PANK1: variants seen among roughly 807,000 people sequenced by gnomAD.
The protein encoded by PANK1 is pantothenic acid kinase 1.
A neutral mutation model predicts 40.1 loss-of-function variants in PANK1; 18 were observed. The observed-to-expected ratio is 0.45, with a 90% CI of 0.31 to 0.67. The LOEUF is 0.67. PANK1 is among the 30% of genes least tolerant of loss of function. PANK1 has a pLI of 0.06. For missense variants in PANK1, 457 were observed against 599.6 expected, an observed-to-expected ratio of 0.76 and a Z score of 2.48; for synonymous variants, 242 against 237.7, an observed-to-expected ratio of 1.02 and a Z score of -0.17.
chr10:89,615,054 G>A (rs1397647249), intron 1 of PANK1, among the ~76,000 whole-genome samples: 1 of 152,174 alleles, frequency 6.6e-6, no homozygotes, highest in South Asian at 2.1e-4. Flanking sequence ...AATATTTACA[G>A]GAGTGGCAGA....
chr10:89,638,534 T>C (rs1362612579), intron 1 of PANK1, among the ~76,000 whole-genome samples: 1 of 152,254 alleles, frequency 6.6e-6, no homozygotes, highest in Non-Finnish European at 1.5e-5. Flanking sequence ...CCCTAAATTC[T>C]GTTTCCTTTT....
At chr10:89,644,120 T>A (rs570392669) in intron 1 of PANK1, among the ~76,000 whole-genome samples, 41 of 152,214 alleles carry the variant, frequency 2.7e-4, no homozygotes, top group African/African-American at 9.9e-4. Context: ...CGCTCTCCAA[T>A]AGACCCGAGA....
chr10:89,638,426 C>A (rs546407325), intron 1 of PANK1, among the ~76,000 whole-genome samples: 20 of 152,322 alleles, frequency 1.3e-4, no homozygotes, highest in Admixed American at 1.2e-3. Flanking sequence ...CCCTACTGAT[C>A]TCCTTATCAA....
chr10:89,623,653 T>TAGCA (rs1376301641), intron 1 of PANK1, among the ~76,000 whole-genome samples: 1 of 149,992 alleles, frequency 6.7e-6, no homozygotes, highest in Non-Finnish European at 1.5e-5. Flanking sequence ...AGTGAACAGA[T>TAGCA]AGCAGGTCTG....
intron 1 of PANK1, chr10:89,626,229 A>G (rs918624383): frequency 1.3e-5 from 2 of 152,156 alleles, no homozygotes; most frequent in African/African-American, 4.8e-5. Flanking sequence ...TCTCACCAAG[A>G]AGCTGTCAGT....
chr10:89,644,411 C>A (rs1307832931), intron 1 of PANK1, among the ~76,000 whole-genome samples, 189 bp downstream of exon 1: 1 of 152,250 alleles, frequency 6.6e-6, no homozygotes, highest in Non-Finnish European at 1.5e-5. Flanking sequence ...CAGGCTCAGG[C>A]AAAGACCTGT....
intron 1 of PANK1, among the ~76,000 whole-genome samples, chr10:89,636,898 G>A (rs12251436): frequency 0.022 from 3,352 of 150,006 alleles, 133 homozygotes; most frequent in African/African-American, 0.078. Flanking sequence ...GTCTCTCCCT[G>A]TCGCCCAGGC....
chr10:89,618,239 C>G (rs1307875854), intron 1 of PANK1, among the ~76,000 whole-genome samples: 1 of 152,148 alleles, frequency 6.6e-6, no homozygotes, highest in Non-Finnish European at 1.5e-5. Flanking sequence ...CTGGGTATCT[C>G]CCATTCACCC....
intron 1 of PANK1, among the ~76,000 whole-genome samples, chr10:89,636,110 G>A (rs1048796371): frequency 4.6e-5 from 7 of 152,004 alleles, no homozygotes; most frequent in African/African-American, 1.7e-4. Flanking sequence ...AGAGTTCTGG[G>A]GTGTTGGTGT....
intron 1 of PANK1, among the ~76,000 whole-genome samples, chr10:89,619,939 A>G (rs1234271426): frequency 6.6e-6 from 1 of 152,214 alleles, no homozygotes; most frequent in African/African-American, 2.4e-5. Context: ...TTTCATGGAC[A>G]TTTATTAGTT....
intron 6 of PANK1, 120 bp downstream of exon 6, chr10:89,588,532 A>G (rs1844272611): frequency 1.5e-6 from 1 of 666,768 alleles, no homozygotes. Context: ...GTGTAAATGC[A>G]AAGTGTAAAT....
intron 2 of PANK1, among the ~76,000 whole-genome samples, chr10:89,608,073 C>A (rs1204485380): frequency 1.3e-5 from 2 of 150,842 alleles, no homozygotes; most frequent in East Asian, 3.9e-4. Context: ...GCCTCGTCGC[C>A]CCGGCTGGAG....
intron 4 of PANK1, among the ~76,000 whole-genome samples, chr10:89,593,600 C>T (rs1844474436): frequency 6.6e-6 from 1 of 152,090 alleles, no homozygotes; most frequent in Non-Finnish European, 1.5e-5. Flanking sequence ...TTTTCTAGAA[C>T]CTTCTTTCAA....
Position 89,604,467 on chromosome 10 carries a change from G to A in PANK1, c.646-4962C>T, listed in dbSNP as rs554005629. Among the ~76,000 whole-genome samples, 131 of 152,140 alleles carry A rather than the reference G, an allele frequency of 8.6e-4. 1 individual carries two copies. The highest frequency in any genetic ancestry group is 2.8e-3 in the African/African-American group (117 of 41,510). ...AGCACTTTGGGAGGCCTAGGCAGGC[G>A]GATCACTTGAGGTCAGGAGCTTGAG... On this transcript the variant is annotated intron_variant, in intron 2 of 6. Coordinates refer to ENST00000307534, the MANE Select transcript of PANK1 (RefSeq NM_148977.3).
chr10:89,592,682 G>A, intron 5 of PANK1: 1 of 527,444 alleles, frequency 1.9e-6, no homozygotes, highest in Non-Finnish European at 3.9e-6. Flanking sequence ...ATACAACTTT[G>A]TATGTCACCA....
intron 3 of PANK1, among the ~76,000 whole-genome samples, chr10:89,597,734 C>T (rs1361068515): frequency 6.6e-6 from 1 of 152,072 alleles, no homozygotes; most frequent in Admixed American, 6.5e-5. Flanking sequence ...CTAGCTTTAC[C>T]AATTCAATTA....
chr10:89,608,160 C>T (rs1479763575), intron 2 of PANK1, among the ~76,000 whole-genome samples: 1 of 151,668 alleles, frequency 6.6e-6, no homozygotes, highest in Non-Finnish European at 1.5e-5. Flanking sequence ...GCCTCCCAAG[C>T]AGCTGGGACT....
At chr10:89,608,289 C>G (rs927638055) in intron 2 of PANK1, among the ~76,000 whole-genome samples, 1 of 152,034 alleles carries the variant, frequency 6.6e-6, no homozygotes, top group African/African-American at 2.4e-5. Context: ...CCTCGGCCCC[C>G]CAAAGTGCTG....
chr10:89,637,061 T>C (rs1258319337), intron 1 of PANK1, among the ~76,000 whole-genome samples: 1 of 151,244 alleles, frequency 6.6e-6, no homozygotes, highest in Non-Finnish European at 1.5e-5. Context: ...GGTTCCACCG[T>C]GTTAGCCAGG....
Sources: allele counts gnomAD v4.1 joint callset (sites outside exome capture counted in the v4.1 genomes callset), GRCh38; gene constraint gnomAD v4.1.1; transcripts MANE v1.5; gene names NCBI Gene and HGNC (gene_info 2026-07-23, HGNC 2026-07-21).